Variants in CFAP91 observed in about 807,000 individuals in gnomAD.
The protein encoded by CFAP91 is cilia and flagella associated protein 91.
Under a neutral mutation model 95.9 loss-of-function variants are expected in CFAP91, and 85 were observed. The observed-to-expected ratio is 0.89, with a 90% confidence interval of 0.74 to 1.06. The LOEUF (loss-of-function observed/expected upper bound fraction) is 1.06, where lower values mean the gene tolerates loss of function less well. Ranked by LOEUF, CFAP91 falls within the 50% of genes least tolerant of loss-of-function variation. The pLI is 0.00. For synonymous variants in CFAP91, 335 were observed against 327.5 expected (o/e 1.02, Z -0.25); for missense variants, 962 against 943.4 (o/e 1.02, Z -0.26).
rs60453079 is a variant in CFAP91, at chr3:119,730,601, AGTGTGTGTGTGTGTGTGTGTGT to A, written c.1018+252_1018+273del. On this transcript the variant is annotated intron_variant, in intron 8 of 17. Coordinates refer to ENST00000273390, the MANE Select transcript of CFAP91 (RefSeq NM_033364.4). ...TAACAGGTAGTCGAGTTACTGAGAT[AGTGTGTGTGTGTGTGTGTGTGT>A]GTGTGTGTGTGTGTGTGTGTGTGTG... is the stretch of plus-strand genomic sequence containing the variant. 5.1e-3 allele frequency among the ~76,000 whole-genome samples: 695 copies of A among 137,202 alleles called. 8 individuals are homozygous for A. Among genetic ancestry groups the A allele is most frequent in the African/African-American group, 0.018 (671 of 37,022 alleles). The allele number at this position is 137,202 out of a possible 152,430, so 90.0% of individuals were successfully genotyped here. A position where few individuals can be genotyped will look rare whatever the true frequency, so the allele number is the denominator to read the frequency against.
chr3:119,733,908 T>C (rs2053950027), intron 10 of CFAP91, among the ~76,000 whole-genome samples: 1 of 152,180 alleles, frequency 6.6e-6, no homozygotes, highest in Admixed American at 6.5e-5. Context: ...ACCTTTCTCA[T>C]GTAGTTAAAG....
chr3:119,735,914 T>C (rs557330386), intron 10 of CFAP91, among the ~76,000 whole-genome samples: 4 of 146,768 alleles, frequency 2.7e-5, no homozygotes, highest in African/African-American at 1.1e-4. Flanking sequence ...GCTCTTCTTA[T>C]ACTTATATCG....
At chr3:119,712,509 G>A (rs1033588239) in intron 5 of CFAP91, among the ~76,000 whole-genome samples, 41 of 152,138 alleles carry the variant, frequency 2.7e-4, no homozygotes, top group African/African-American at 8.9e-4. Context: ...ATGTGACTTC[G>A]GATGACAAAG....
chr3:119,722,858 A>G (rs2053713649), intron 6 of CFAP91, among the ~76,000 whole-genome samples: 1 of 152,206 alleles, frequency 6.6e-6, no homozygotes, highest in South Asian at 2.1e-4. Flanking sequence ...ATAAAAATGT[A>G]CAAGGGATTT....
intron 6 of CFAP91, among the ~76,000 whole-genome samples, chr3:119,716,470 T>C (rs566067104): frequency 6.6e-6 from 1 of 152,338 alleles, no homozygotes; most frequent in African/African-American, 2.4e-5. Context: ...TCCCCCGCAT[T>C]GTAACAGATA....
At position 119,766,022 on chromosome 3, in the gene CFAP91, AGGAAGTG is replaced by A. The variant is rs972499395; in HGVS notation, c.*975_*981del. The A allele has an allele frequency of 2.5e-4, 38 of 152,252 alleles. No individual in the cohort carries two copies. The highest frequency in any genetic ancestry group is 8.7e-4 in the African/African-American group (36 of 41,464). 9.4% of individuals were successfully genotyped at this position (152,252 alleles called of 1,614,324 possible). A position where few individuals can be genotyped will look rare whatever the true frequency, so the allele number is the denominator to read the frequency against. ...AAAATAGATGCAGGCTGAAAAGAAAAGGAAGTGGGCTAAGATGGGAAAAATATAAAAA... is the reference window on the plus strand; with the variant it reads ...AAAATAGATGCAGGCTGAAAAGAAAAGGCTAAGATGGGAAAAATATAAAAA... On this transcript the variant is annotated 3_prime_UTR_variant, in exon 18 of 18. Coordinates refer to ENST00000273390, the MANE Select transcript of CFAP91 (RefSeq NM_033364.4).
intron 6 of CFAP91, among the ~76,000 whole-genome samples, chr3:119,723,916 T>G (rs866728321): frequency 6.6e-6 from 1 of 151,904 alleles, no homozygotes; most frequent in Admixed American, 6.6e-5. Context: ...TCCCAACACT[T>G]TGGGAGGCTG....
At chr3:119,722,379 A>G (rs1218944736) in intron 6 of CFAP91, among the ~76,000 whole-genome samples, 3 of 152,110 alleles carry the variant, frequency 2.0e-5, no homozygotes, top group Admixed American at 6.5e-5. Context: ...GAATCACTTG[A>G]ACCGAGGAGG....
At position 119,730,219 on chromosome 3, in the gene CFAP91, G is replaced by C; in HGVS notation, c.861-1G>C. On this transcript the variant is annotated splice_acceptor_variant, in intron 7 of 17. Coordinates refer to ENST00000273390, the MANE Select transcript of CFAP91 (RefSeq NM_033364.4). LOFTEE classifies it high-confidence loss of function. ...CTTTATGTTTTGTAATTTACTTGAA[G>C]ACTGCAGGAGATTCGCCTGGAAGTT... 6.2e-7 allele frequency: 1 copy of C among 1,611,008 alleles called. No homozygotes were observed. The highest frequency in any genetic ancestry group is 1.1e-5 in the South Asian group (1 of 90,468).
intron 17 of CFAP91, among the ~76,000 whole-genome samples, chr3:119,761,268 T>C (rs775790160): frequency 2.0e-5 from 3 of 151,632 alleles, no homozygotes; most frequent in Non-Finnish European, 3.0e-5. Context: ...CTAGAAGAAA[T>C]GGATGTCTAG....
At chr3:119,707,633 G>A in intron 3 of CFAP91, 72 bp downstream of exon 3, 1 of 1,395,938 alleles carries the variant, frequency 7.2e-7, no homozygotes, top group Non-Finnish European at 9.5e-7. Context: ...TTTACCATGT[G>A]TGGTTTTAAA....
At chr3:119,761,230 A>T (rs2054532652) in intron 17 of CFAP91, among the ~76,000 whole-genome samples, 1 of 151,790 alleles carries the variant, frequency 6.6e-6, no homozygotes, top group Non-Finnish European at 1.5e-5. Flanking sequence ...ACTACTATAA[A>T]CAATTATATA....
At chr3:119,734,000 C>T (rs1431064318) in intron 10 of CFAP91, among the ~76,000 whole-genome samples, 1 of 152,134 alleles carries the variant, frequency 6.6e-6, no homozygotes, top group African/African-American at 2.4e-5. Flanking sequence ...GGTAGCTGGA[C>T]TATAGGTGTA....
Position 119,708,579 on chromosome 3 carries a change from G to T in CFAP91, c.360-12G>T. 6.4e-7 allele frequency: 1 copy of T among 1,555,002 alleles called. No homozygotes were observed. The highest frequency in any genetic ancestry group is 8.8e-7 in the Non-Finnish European group (1 of 1,135,522). On this transcript the variant is annotated splice_polypyrimidine_tract_variant and intron_variant, in intron 3 of 17. Transcript: ENST00000273390. ...TTTTAGACTTGAATAATGTTTTCTT[G>T]CTTCATTTTAGAACTGACGCTTCTT...
At chr3:119,712,174 C>T (rs75744567) in intron 5 of CFAP91, among the ~76,000 whole-genome samples, 2,242 of 152,270 alleles carry the variant, frequency 0.015, 29 homozygotes, top group Middle Eastern at 0.058. Context: ...GGAAAGGGAT[C>T]ATTGCTCTTT....
At chr3:119,718,960 T>C (rs1042410413) in intron 6 of CFAP91, among the ~76,000 whole-genome samples, 3 of 147,606 alleles carry the variant, frequency 2.0e-5, no homozygotes, top group Admixed American at 2.0e-4. Context: ...TGCATAGGAG[T>C]GTTCACCAAA....
intron 5 of CFAP91, 167 bp from the exon 6 acceptor site, chr3:119,715,395 A>C (rs764330129): frequency 1.4e-6 from 1 of 729,904 alleles, no homozygotes; most frequent in South Asian, 1.5e-5. Context: ...TTCTCTCAAG[A>C]TTTGTGCGCA....
At chr3:119,750,529 A>G (rs2107912430) in intron 16 of CFAP91, 1 of 196,112 alleles carries the variant, frequency 5.1e-6, no homozygotes, top group East Asian at 1.5e-4. Flanking sequence ...AGGTCTTTAT[A>G]TTTGTAAGTT....
chr3:119,754,490 G>T (rs556811220), intron 17 of CFAP91, among the ~76,000 whole-genome samples: 10 of 152,242 alleles, frequency 6.6e-5, no homozygotes, highest in Non-Finnish European at 1.2e-4. Context: ...CTAAGGGTGG[G>T]TTAACAGACA....
Sources: gnomAD v4.1 joint callset for allele counts (sites outside exome capture counted in the v4.1 genomes callset) on GRCh38, gnomAD v4.1.1 for gene constraint, MANE v1.5 for transcripts, NCBI Gene and HGNC (gene_info 2026-07-23, HGNC 2026-07-21) for gene names.